CLASP1: variants seen among roughly 807,000 people sequenced by gnomAD.
The protein encoded by CLASP1 is CLIP-associating protein 1.
CLASP1 carries 38 observed loss-of-function variants against 192.3 expected under a neutral mutation model. The observed-to-expected ratio is 0.20, with a 90% CI of 0.15 to 0.26. CLASP1 has a LOEUF of 0.26. CLASP1 is among the 10% of genes least tolerant of loss of function. The probability of loss-of-function intolerance (pLI) is 1.00; values close to 1 mark genes in which losing one functional copy is unlikely to be tolerated. For missense variants in CLASP1, 1,433 were observed against 1,932.5 expected, an observed-to-expected ratio of 0.74 and a Z score of 4.85; for synonymous variants, 691 against 712.8, an observed-to-expected ratio of 0.97 and a Z score of 0.49.
chr2:121,621,670 T>C (rs1009141072), intron 1 of CLASP1, among the ~76,000 whole-genome samples: 3 of 152,238 alleles, frequency 2.0e-5, no homozygotes, highest in Non-Finnish European at 4.4e-5. Context: ...TTGATCTATA[T>C]GTCTATCTTT....
At chr2:121,644,992 TAAAGA>T (rs1295487180) in intron 1 of CLASP1, among the ~76,000 whole-genome samples, 1 of 147,876 alleles carries the variant, frequency 6.8e-6, no homozygotes. Flanking sequence ...AAGAGTTGCC[TAAAGA>T]AAGCATGGTG....
chr2:121,619,135 A>C (rs12711558), intron 1 of CLASP1, among the ~76,000 whole-genome samples: 36,046 of 152,066 alleles, frequency 0.24, 6,513 homozygotes, highest in African/African-American at 0.5. Flanking sequence ...CAAAATCCAA[A>C]CACAATGTAA....
chr2:121,608,385 C>T (rs1033085105), intron 1 of CLASP1, among the ~76,000 whole-genome samples: 1 of 152,172 alleles, frequency 6.6e-6, no homozygotes, highest in African/African-American at 2.4e-5. Flanking sequence ...CTGGGCTTAA[C>T]CCTGTGAAAT....
At chr2:121,358,856 T>C (rs1332288117) in intron 37 of CLASP1, among the ~76,000 whole-genome samples, 1 of 152,248 alleles carries the variant, frequency 6.6e-6, no homozygotes, top group Non-Finnish European at 1.5e-5. Context: ...GACCTTTGTG[T>C]GTGTAGCAAG....
intron 1 of CLASP1, among the ~76,000 whole-genome samples, chr2:121,610,189 G>T (rs1189084869): frequency 6.6e-6 from 1 of 152,172 alleles, no homozygotes; most frequent in Non-Finnish European, 1.5e-5. Context: ...GAAGGAGGAG[G>T]AGTTACAGGA....
chr2:121,530,379 C>A, intron 2 of CLASP1, 54 bp from the exon 3 acceptor site: 1 of 1,407,208 alleles, frequency 7.1e-7, no homozygotes, highest in Non-Finnish European at 9.8e-7. Context: ...GGGCAGCGCT[C>A]CCGCCCACCC....
At chr2:121,365,337 G>C in intron 35 of CLASP1, 53 bp from the exon 37 acceptor site, 1 of 1,524,776 alleles carries the variant, frequency 6.6e-7, no homozygotes. Context: ...CCCAGCACAG[G>C]GGCTTGCTCA....
intron 33 of CLASP1, among the ~76,000 whole-genome samples, chr2:121,381,883 C>A (rs150399936): frequency 2.0e-5 from 3 of 152,198 alleles, no homozygotes; most frequent in Non-Finnish European, 4.4e-5. Flanking sequence ...CTATTGCCCA[C>A]GCTGACCTCA....
At chr2:121,593,883 C>G (rs2062757328) in intron 2 of CLASP1, among the ~76,000 whole-genome samples, 1 of 151,880 alleles carries the variant, frequency 6.6e-6, no homozygotes, top group Admixed American at 6.6e-5. Flanking sequence ...GTGGTGCATG[C>G]CTGTGATCCC....
intron 1 of CLASP1, among the ~76,000 whole-genome samples, chr2:121,627,250 G>A (rs1422315674): frequency 6.6e-6 from 1 of 152,080 alleles, no homozygotes; most frequent in Non-Finnish European, 1.5e-5. Context: ...TACATTTTTT[G>A]CAACTTCTTG....
intron 8 of CLASP1, among the ~76,000 whole-genome samples, chr2:121,488,058 C>A (rs138851078): frequency 1.1e-4 from 16 of 152,234 alleles, no homozygotes; most frequent in Non-Finnish European, 1.8e-4. Context: ...TCTGGCCCTG[C>A]GAGATACACT....
intron 2 of CLASP1, among the ~76,000 whole-genome samples, chr2:121,558,013 G>T (rs1398558552): frequency 6.7e-6 from 1 of 149,688 alleles, no homozygotes; most frequent in Non-Finnish European, 1.5e-5. Context: ...CCAGGAGGCT[G>T]AGGTTGCAGT....
chr2:121,518,447 A>T (rs1439098372), intron 6 of CLASP1, among the ~76,000 whole-genome samples: 3 of 152,178 alleles, frequency 2.0e-5, no homozygotes, highest in Admixed American at 6.5e-5. Flanking sequence ...ACTGTGAAAA[A>T]ATTAATTTCT....
intron 4 of CLASP1, among the ~76,000 whole-genome samples, chr2:121,528,190 C>G (rs1434375579): frequency 6.6e-6 from 1 of 152,176 alleles, no homozygotes; most frequent in Non-Finnish European, 1.5e-5. Context: ...GCCAAAGGAG[C>G]TAGTGAGTTG....
At chr2:121,436,355 ATTT>A (rs941189177) in intron 19 of CLASP1, among the ~76,000 whole-genome samples, 6 of 149,652 alleles carry the variant, frequency 4.0e-5, no homozygotes, top group Admixed American at 2.7e-4. Context: ...TTAACTGCAG[ATTT>A]TTTATTTTTG....
At chr2:121,445,575 G>C (rs2084173165) in intron 19 of CLASP1, 1 of 743,188 alleles carries the variant, frequency 1.3e-6, no homozygotes, top group African/African-American at 1.8e-5. Flanking sequence ...GGTAGCAACT[G>C]TAACAAATTC....
chr2:121,339,677 C>T (rs2062622935), exon 40 of CLASP1: 1 of 152,142 alleles, frequency 6.6e-6, no homozygotes, highest in South Asian at 2.1e-4. Flanking sequence ...TGTTTCTAAT[C>T]CTGTTTTTCT....
intron 2 of CLASP1, among the ~76,000 whole-genome samples, chr2:121,602,055 G>T (rs992450172): frequency 6.6e-5 from 10 of 151,918 alleles, no homozygotes; most frequent in Middle Eastern, 3.4e-3. Flanking sequence ...CACGCCTGCA[G>T]TACCAGCTAC....
intron 30 of CLASP1, among the ~76,000 whole-genome samples, chr2:121,390,605 T>C (rs2074175171): frequency 1.3e-5 from 2 of 152,154 alleles, no homozygotes; most frequent in South Asian, 4.1e-4. Context: ...CAGAAAGGAA[T>C]TCTCCCTAGC....
Sources: gnomAD v4.1 joint callset for allele counts (sites outside exome capture counted in the v4.1 genomes callset) on GRCh38, gnomAD v4.1.1 for gene constraint, MANE v1.5 for transcripts, NCBI Gene and HGNC (gene_info 2026-07-23, HGNC 2026-07-21) for gene names.